The following HERC6 variants were observed in gnomAD, a reference collection of about 807,000 sequenced individuals.
The protein encoded by HERC6 is HECT and RLD domain containing E3 ubiquitin protein ligase family member 6, also known as probable E3 ubiquitin-protein ligase HERC6.
In HERC6, 101 loss-of-function variants were observed where a neutral mutation model predicts 114.5. The observed-to-expected ratio is 0.88, with a 90% confidence interval of 0.75 to 1.04. HERC6 has a LOEUF of 1.04. Among genes scored for constraint, HERC6 ranks in the 50% least tolerant of loss-of-function variants. HERC6 has a pLI of 0.00. For missense variants in HERC6, 1,133 were observed against 1,230.9 expected (o/e 0.92, Z 1.19); for synonymous variants, 408 against 436.2 (o/e 0.94, Z 0.81).
chr4:88,426,116 A>G (rs953858111), intron 15 of HERC6, among the ~76,000 whole-genome samples: 3 of 152,152 alleles, frequency 2.0e-5, no homozygotes, highest in Non-Finnish European at 4.4e-5. Context: ...TAGACAGACA[A>G]GGTATATCCT....
At chr4:88,403,858 C>A (rs1227581583) in intron 8 of HERC6, among the ~76,000 whole-genome samples, 1 of 151,990 alleles carries the variant, frequency 6.6e-6, no homozygotes, top group African/African-American at 2.4e-5. Flanking sequence ...TATATAAATA[C>A]AATTTGCCAT....
intron 1 of HERC6, among the ~76,000 whole-genome samples, chr4:88,379,505 C>T (rs1006661754): frequency 3.3e-5 from 5 of 151,018 alleles, no homozygotes; most frequent in African/African-American, 1.2e-4. Context: ...CTCCGGCTTG[C>T]CTTGCAGATA....
At chr4:88,391,547 TC>T (rs779363038) in intron 4 of HERC6, among the ~76,000 whole-genome samples, 2 of 152,140 alleles carry the variant, frequency 1.3e-5, no homozygotes, top group Non-Finnish European at 2.9e-5. Context: ...CCTTTAAAAA[TC>T]CCGATGCCCA....
intron 12 of HERC6, among the ~76,000 whole-genome samples, chr4:88,417,025 AT>A (rs1487083881): frequency 1.3e-5 from 2 of 151,992 alleles, no homozygotes; most frequent in East Asian, 1.9e-4. Context: ...CATATATAAT[AT>A]TTTTTCATTT....
chr4:88,436,844 A>G (rs1738800304), intron 18 of HERC6, 61 bp from the exon 19 acceptor site: 1 of 1,176,132 alleles, frequency 8.5e-7, no homozygotes, highest in African/African-American at 1.6e-5. Flanking sequence ...TCCATTGAAA[A>G]TTACTTGTGA....
chr4:88,430,846 G>A (rs887688256), intron 16 of HERC6, among the ~76,000 whole-genome samples: 6 of 152,100 alleles, frequency 3.9e-5, no homozygotes, highest in Non-Finnish European at 8.8e-5. Context: ...AGGGGCCCAC[G>A]GGTTTGAAGA....
In HERC6 at chr4:88,439,778, T is replaced by C. The variant is rs1427111620; in HGVS notation, c.2556-96T>C. On this transcript the variant is annotated intron_variant, in intron 20 of 22. Transcript: ENST00000264346. ...TATAGAAGTAATTTACTTTTCCTTC[T>C]CAATAGAAATAGTAAAAAGAACAAA... The C allele has an allele frequency of 2.5e-6, 3 of 1,182,846 alleles. No individual in the cohort carries two copies. In the Admixed American group the frequency reaches 1.0e-4, roughly 40 times the overall value. The allele number at this position is 1,182,846 out of a possible 1,614,324, so 73.3% of individuals were successfully genotyped here. A position where few individuals can be genotyped will look rare whatever the true frequency, so the allele number is the denominator to read the frequency against.
rs1437678319 is a variant in HERC6 at position 88,413,234 on chromosome 4, G to A, written c.1526G>A (p.Cys509Tyr). 1 of 1,613,170 alleles carries A rather than the reference G, an allele frequency of 6.2e-7. No individual in the cohort carries two copies. The highest frequency in any genetic ancestry group is 1.3e-5 in the African/African-American group (1 of 74,980). The stretch of plus-strand genomic sequence containing the variant: ...GTGGTTCCATTTGCAAAGGCTGTGT[G>A]TGAAATGAGTAAACAATCTTTGCAA... Reference protein sequence around the residue: ...NLVVPFAKAVCEMSKQSLQVL... With the variant: ...NLVVPFAKAVYEMSKQSLQVL... The change falls in exon 12 of 23, where the codon TGT (cysteine) becomes TAT (tyrosine). Residue 509 changes from cysteine (C) to tyrosine (Y), a missense_variant. Coordinates refer to ENST00000264346, the MANE Select transcript of HERC6 (RefSeq NM_017912.4).
chr4:88,387,488 T>A (rs1463071143), intron 3 of HERC6, among the ~76,000 whole-genome samples: 1 of 152,214 alleles, frequency 6.6e-6, no homozygotes, highest in Admixed American at 6.5e-5. Context: ...TTTAAATTAT[T>A]TACCCAAAGT....
At chr4:88,385,632 T>C (rs1469406497) in intron 3 of HERC6, 57 bp downstream of exon 3, 4 of 841,782 alleles carry the variant, frequency 4.8e-6, no homozygotes, top group Non-Finnish European at 7.4e-6. Flanking sequence ...TGAATAGGAA[T>C]TATAGCTGCT....
At position 88,442,370 on chromosome 4, in the gene HERC6, GTATTC is replaced by G. The variant is rs753358910; in HGVS notation, c.2982_2986del (p.Ser995AsnfsTer55). 6.2e-7 allele frequency: 1 copy of G among 1,613,808 alleles called. No individual in the cohort carries two copies. Among genetic ancestry groups the G allele is most frequent in the Admixed American group, 1.7e-5 (1 of 59,980 alleles). On this transcript the variant is annotated frameshift_variant, in exon 23 of 23. Transcript: ENST00000264346. LOFTEE classifies it low-confidence loss of function (END_TRUNC). ...GTCATAATATTCTCTCCCTCCCTAA[GTATTC>G]TACAATGGAAAGAATGGAGGAAGCA...
At chr4:88,398,568 G>GACA (rs1735371157) in intron 8 of HERC6, 1 of 163,484 alleles carries the variant, frequency 6.1e-6, no homozygotes, top group African/African-American at 2.4e-5. Flanking sequence ...TGAAGGAAGG[G>GACA]TTTCTGACAT....
chr4:88,428,846 C>T, intron 16 of HERC6, 96 bp downstream of exon 16: 1 of 1,029,662 alleles, frequency 9.7e-7, no homozygotes, highest in Non-Finnish European at 1.3e-6. Context: ...CTGCATTTGC[C>T]TCTATGGTTA....
chr4:88,415,873 A>G (rs1736428907), intron 12 of HERC6, among the ~76,000 whole-genome samples: 1 of 152,214 alleles, frequency 6.6e-6, no homozygotes, highest in Non-Finnish European at 1.5e-5. Flanking sequence ...AACCTCAAAT[A>G]TGCCTCTTCA....
Position 88,379,859 on chromosome 4 carries a change from C to T in HERC6, c.199+739C>T, listed in dbSNP as rs374045999. Among the ~76,000 whole-genome samples, 39 of 24,674 alleles carry T rather than the reference C, an allele frequency of 1.6e-3. 1 individual carries two copies. Among genetic ancestry groups the T allele is most frequent in the African/African-American group, 3.7e-3 (18 of 4,870 alleles). 16.2% of individuals were successfully genotyped at this position (24,674 alleles called of 152,430 possible). On this transcript the variant is annotated intron_variant, in intron 1 of 22. Coordinates refer to ENST00000264346, the MANE Select transcript of HERC6 (RefSeq NM_017912.4). ...ATATAATATATAAATATATATATAG[C>T]ATATAAATATATATAATATATAAAT...
intron 22 of HERC6, 38 bp downstream of exon 22, chr4:88,440,288 A>G: frequency 8.8e-7 from 1 of 1,134,786 alleles, no homozygotes; most frequent in Non-Finnish European, 1.3e-6. Context: ...ATAATTATGT[A>G]TCTTTTAAAA....
intron 12 of HERC6, among the ~76,000 whole-genome samples, chr4:88,416,680 C>T (rs1332274092): frequency 6.6e-6 from 1 of 151,918 alleles, no homozygotes; most frequent in Admixed American, 6.6e-5. Context: ...TTTTCTAGAT[C>T]AGTTTCCAGT....
chr4:88,435,851 T>A lies in HERC6; in HGVS notation c.2377T>A (p.Ser793Thr), dbSNP rs763695748. The change falls in exon 18 of 23, where the codon TCA becomes ACA. Residue 793 changes from serine (S) to threonine (T), a missense_variant. Transcript: ENST00000264346. Reference protein sequence around the residue: ...LYKKLLDQKPSLEDLKELSPR... With the variant: ...LYKKLLDQKPTLEDLKELSPR... ...TAAAAAACTTCTGGACCAAAAGCCA[T>A]CATTGGAAGATTTAAAAGAACTCAG... 3.7e-6 allele frequency: 6 copies of A among 1,610,402 alleles called. No individual in the cohort carries two copies. Among genetic ancestry groups the A allele is most frequent in the South Asian group, 3.3e-5 (3 of 90,350 alleles).
intron 13 of HERC6, among the ~76,000 whole-genome samples, chr4:88,418,703 A>G (rs548136841): frequency 9.9e-5 from 15 of 152,202 alleles, no homozygotes; most frequent in African/African-American, 3.4e-4. Flanking sequence ...GACCCATCAC[A>G]CTACACATGT....
Sources: gnomAD v4.1 joint callset for allele counts (sites outside exome capture counted in the v4.1 genomes callset) on GRCh38, gnomAD v4.1.1 for gene constraint, MANE v1.5 for transcripts, NCBI Gene and HGNC (gene_info 2026-07-23, HGNC 2026-07-21) for gene names.